The following PAQR5 variants were observed in gnomAD, a reference collection of about 807,000 sequenced individuals.
The protein encoded by PAQR5 is membrane progestin receptor gamma.
A neutral mutation model predicts 34.5 loss-of-function variants in PAQR5; 20 were observed. That is an observed-to-expected ratio of 0.58 (90% CI 0.41 to 0.84). The LOEUF (loss-of-function observed/expected upper bound fraction) is 0.84, where lower values mean the gene tolerates loss of function less well. Ranked by LOEUF, PAQR5 falls within the 40% of genes least tolerant of loss-of-function variation. The pLI is 0.00. For synonymous variants in PAQR5, 131 were observed against 155.6 expected, an observed-to-expected ratio of 0.84 and a Z score of 1.18; for missense variants, 378 against 412.7, an observed-to-expected ratio of 0.92 and a Z score of 0.73.
chr15:69,371,021 ATTTAT>A (rs1451389040), intron 3 of PAQR5, among the ~76,000 whole-genome samples: 1 of 152,194 alleles, frequency 6.6e-6, no homozygotes, highest in Non-Finnish European at 1.5e-5. Context: ...ATTCCATATA[ATTTAT>A]TTTATTTCTT....
At chr15:69,329,859 GTAATAGTAGCCA>G (rs1300280945) in intron 1 of PAQR5, among the ~76,000 whole-genome samples, 1 of 152,264 alleles carries the variant, frequency 6.6e-6, no homozygotes, top group South Asian at 2.1e-4. Flanking sequence ...GTTCTTTGTA[GTAATAGTAGCCA>G]TAATAGTAGC....
At chr15:69,322,805 GGAAGAGGAAGAA>G (rs2054154043) in intron 1 of PAQR5, among the ~76,000 whole-genome samples, 1 of 20,994 alleles carries the variant, frequency 4.8e-5, no homozygotes, top group Non-Finnish European at 9.7e-5. Context: ...AAGAAGAAGA[GGAAGAGGAAGAA>G]GAAGAAGAAG....
chr15:69,352,548 T>C (rs1355930660), intron 2 of PAQR5, among the ~76,000 whole-genome samples: 11 of 152,218 alleles, frequency 7.2e-5, no homozygotes, highest in African/African-American at 2.4e-5. Context: ...AAATGCCCTA[T>C]GATCAGTTGA....
chr15:69,402,012 G>A (rs987207662), intron 8 of PAQR5, among the ~76,000 whole-genome samples: 4 of 152,182 alleles, frequency 2.6e-5, no homozygotes, highest in Admixed American at 2.0e-4. Flanking sequence ...GGGATTACAG[G>A]TGTGAGCCAC....
chr15:69,339,671 C>T (rs966068604), intron 2 of PAQR5, among the ~76,000 whole-genome samples: 11 of 152,182 alleles, frequency 7.2e-5, no homozygotes, highest in African/African-American at 2.7e-4. Flanking sequence ...CAGGGTTTCA[C>T]CATGTTGTCC....
At chr15:69,312,922 T>A (rs928038983) in intron 1 of PAQR5, among the ~76,000 whole-genome samples, 1 of 152,058 alleles carries the variant, frequency 6.6e-6, no homozygotes, top group Non-Finnish European at 1.5e-5. Context: ...AATCAGTAAA[T>A]CCATGGGAAG....
At chr15:69,343,721 G>T (rs904319152) in intron 2 of PAQR5, among the ~76,000 whole-genome samples, 3 of 152,028 alleles carry the variant, frequency 2.0e-5, no homozygotes, top group African/African-American at 7.3e-5. Flanking sequence ...AGCATTTGTG[G>T]GTGTGTGTGT....
chr15:69,357,093 G>A (rs532886722), intron 2 of PAQR5, among the ~76,000 whole-genome samples: 11 of 151,718 alleles, frequency 7.3e-5, no homozygotes, highest in Middle Eastern at 6.8e-3. Flanking sequence ...TCCTGCTTTC[G>A]CCGTACAACT....
chr15:69,370,738 C>G (rs1392523068), intron 3 of PAQR5, among the ~76,000 whole-genome samples: 1 of 152,162 alleles, frequency 6.6e-6, no homozygotes, highest in Non-Finnish European at 1.5e-5. Context: ...CCAGGATGGT[C>G]TCAATCTCCT....
intron 1 of PAQR5, among the ~76,000 whole-genome samples, chr15:69,310,767 G>A (rs1054366900): frequency 1.6e-4 from 24 of 151,706 alleles, no homozygotes; most frequent in South Asian, 1.0e-3. Flanking sequence ...GGCCAGGCGC[G>A]GTGGCTCATG....
intron 2 of PAQR5, among the ~76,000 whole-genome samples, chr15:69,340,839 G>A (rs1030664944): frequency 1.3e-5 from 2 of 152,142 alleles, no homozygotes; most frequent in Non-Finnish European, 2.9e-5. Flanking sequence ...ACTAGTCTGC[G>A]CTTCTCACAA....
chr15:69,382,082 A>T (rs1483999347), intron 4 of PAQR5, among the ~76,000 whole-genome samples: 2 of 152,176 alleles, frequency 1.3e-5, no homozygotes, highest in East Asian at 3.9e-4. Context: ...TATTCCGAAA[A>T]GTGATTGTAC....
chr15:69,377,858 T>C (rs555962069), intron 3 of PAQR5, among the ~76,000 whole-genome samples: 67 of 152,282 alleles, frequency 4.4e-4, no homozygotes, highest in African/African-American at 1.5e-3. Context: ...CTGGGCACAA[T>C]GGCTCACACC....
chr15:69,329,712 T>C (rs1030634438), intron 1 of PAQR5, among the ~76,000 whole-genome samples: 1 of 152,114 alleles, frequency 6.6e-6, no homozygotes, highest in African/African-American at 2.4e-5. Context: ...CTTGAACTCC[T>C]GAGCTCAGGC....
chr15:69,317,049 A>G (rs1368288176), intron 1 of PAQR5, among the ~76,000 whole-genome samples: 1 of 152,104 alleles, frequency 6.6e-6, no homozygotes, highest in Non-Finnish European at 1.5e-5. Flanking sequence ...GGAACTCTTG[A>G]CCTCAGGTGA....
chr15:69,388,300 C>A (rs2056167300), intron 5 of PAQR5, among the ~76,000 whole-genome samples: 1 of 152,218 alleles, frequency 6.6e-6, no homozygotes, highest in Non-Finnish European at 1.5e-5. Context: ...GAGGAAGTTT[C>A]CTTTCCTTAG....
At chr15:69,384,973 G>A in intron 5 of PAQR5, 91 bp downstream of exon 5, 1 of 923,072 alleles carries the variant, frequency 1.1e-6, no homozygotes, top group Non-Finnish European at 1.7e-6. Context: ...AGGCTTTGAT[G>A]AGTTTGCAGA....
intron 1 of PAQR5, among the ~76,000 whole-genome samples, chr15:69,330,645 C>T (rs1351711244): frequency 1.3e-5 from 2 of 152,164 alleles, no homozygotes; most frequent in Non-Finnish European, 2.9e-5. Context: ...GATTTCATCC[C>T]TGACCAGCAC....
intron 2 of PAQR5, among the ~76,000 whole-genome samples, chr15:69,346,704 C>G (rs893531273): frequency 6.6e-5 from 10 of 151,730 alleles, no homozygotes; most frequent in African/African-American, 2.4e-4. Flanking sequence ...TCACTGCAAC[C>G]TCCGCCTCCC....
Sources: allele counts gnomAD v4.1 joint callset (sites outside exome capture counted in the v4.1 genomes callset), GRCh38; gene constraint gnomAD v4.1.1; transcripts MANE v1.5; gene names NCBI Gene and HGNC (gene_info 2026-07-23, HGNC 2026-07-21).